LRCH1: variants seen among roughly 807,000 people sequenced by gnomAD.
LRCH1 encodes leucine rich repeats and calponin homology domain containing 1.
A neutral mutation model predicts 94.9 loss-of-function variants in LRCH1; 23 were observed. That is an observed-to-expected ratio of 0.24 (90% CI 0.17 to 0.34). The LOEUF is 0.34. LRCH1 is among the 10% of genes least tolerant of loss of function. LRCH1 has a pLI of 1.00. For missense variants in LRCH1, 790 were observed against 945.9 expected (o/e 0.84, Z 2.16); for synonymous variants, 364 against 354.9 (o/e 1.03, Z -0.29).
At chr13:46,718,496 A>G (rs1872436037) in intron 16 of LRCH1, among the ~76,000 whole-genome samples, 1 of 152,204 alleles carries the variant, frequency 6.6e-6, no homozygotes, top group African/African-American at 2.4e-5. Flanking sequence ...TATTTGGTGT[A>G]GCATTGAGTC....
chr13:46,615,593 T>TCG (rs2050798372), intron 1 of LRCH1, among the ~76,000 whole-genome samples: 1 of 152,192 alleles, frequency 6.6e-6, no homozygotes, highest in African/African-American at 2.4e-5. Context: ...AAACCCAGCT[T>TCG]CGAGCTCCCT....
intron 14 of LRCH1, 125 bp from the exon 15 acceptor site, chr13:46,712,397 TTCA>T (rs1872111012): frequency 4.3e-6 from 3 of 700,306 alleles, no homozygotes; most frequent in Non-Finnish European, 7.4e-6. Flanking sequence ...TGGCCAGGAC[TTCA>T]TCACACAGCA....
chr13:46,608,814 A>G (rs2050715661), intron 1 of LRCH1, among the ~76,000 whole-genome samples: 1 of 152,214 alleles, frequency 6.6e-6, no homozygotes, highest in Non-Finnish European at 1.5e-5. Flanking sequence ...TGTAATTGAC[A>G]ATTAACTCCA....
intron 16 of LRCH1, chr13:46,717,437 T>C (rs1387842079): frequency 6.6e-6 from 1 of 152,206 alleles, no homozygotes; most frequent in African/African-American, 2.4e-5. Flanking sequence ...GTTCAGTCGA[T>C]CATGTCAGAT....
intron 1 of LRCH1, among the ~76,000 whole-genome samples, chr13:46,588,667 C>T (rs2050462892): frequency 6.7e-6 from 1 of 148,468 alleles, no homozygotes; most frequent in Admixed American, 6.7e-5. Context: ...GTGGCGCCAT[C>T]TCCGTTCACT....
chr13:46,665,299 A>G (rs1009016106), intron 2 of LRCH1, among the ~76,000 whole-genome samples: 1 of 152,226 alleles, frequency 6.6e-6, no homozygotes, highest in Non-Finnish European at 1.5e-5. Flanking sequence ...ATGGACATCA[A>G]TAAGTGCCAT....
intron 6 of LRCH1, 69 bp from the exon 7 acceptor site, chr13:46,689,064 T>A (rs1233622876): frequency 8.3e-7 from 1 of 1,206,188 alleles, no homozygotes; most frequent in East Asian, 2.4e-5. Flanking sequence ...TAAATTGATG[T>A]TTCTTGGTGT....
At chr13:46,695,970 A>G (rs1198436437) in intron 9 of LRCH1, among the ~76,000 whole-genome samples, 1 of 152,204 alleles carries the variant, frequency 6.6e-6, no homozygotes, top group Admixed American at 6.5e-5. Context: ...GTTGTGTAGA[A>G]GGATAAAACA....
intron 1 of LRCH1, among the ~76,000 whole-genome samples, chr13:46,621,552 G>A (rs546650148): frequency 1.3e-5 from 2 of 152,160 alleles, no homozygotes; most frequent in Non-Finnish European, 2.9e-5. Flanking sequence ...AGAGATTGGG[G>A]TAAGGCATTA....
chr13:46,636,955 T>C (rs2051098751), intron 1 of LRCH1, among the ~76,000 whole-genome samples: 1 of 152,144 alleles, frequency 6.6e-6, no homozygotes, highest in Non-Finnish European at 1.5e-5. Flanking sequence ...CTCTTACAGT[T>C]CCCAACATTT....
chr13:46,746,516 C>T (rs191136279), downstream of LRCH1, among the ~76,000 whole-genome samples: 136 of 152,100 alleles, frequency 8.9e-4, no homozygotes, highest in African/African-American at 2.9e-3. Flanking sequence ...GACTCCGCTC[C>T]GTACTTTAAA....
chr13:46,655,427 T>G (rs1419215635), intron 2 of LRCH1, among the ~76,000 whole-genome samples: 2 of 152,248 alleles, frequency 1.3e-5, no homozygotes. Context: ...GTTTGAAGGA[T>G]TTGGGCTTTT....
chr13:46,633,230 C>T (rs919883775), intron 1 of LRCH1, among the ~76,000 whole-genome samples: 1 of 152,156 alleles, frequency 6.6e-6, no homozygotes, highest in African/African-American at 2.4e-5. Context: ...GGAAGTATTT[C>T]TGGAAGGAGT....
rs188756260 is a variant in LRCH1, at chr13:46,648,907, A to T, written c.308-1294A>T. On this transcript the variant is annotated intron_variant, in intron 1 of 19. Transcript: ENST00000389797. Reference sequence around the variant, plus strand: ...CTTTTACATATCCTTGAAGATGATCATATATCATTTCACTTTGGTCTATTT... The same window carrying T: ...CTTTTACATATCCTTGAAGATGATCTTATATCATTTCACTTTGGTCTATTT... 4.1e-3 allele frequency among the ~76,000 whole-genome samples: 626 copies of T among 152,298 alleles called. 2 individuals are homozygous for T. Among genetic ancestry groups the T allele is most frequent in the African/African-American group, 0.014 (591 of 41,548 alleles).
intron 7 of LRCH1, among the ~76,000 whole-genome samples, chr13:46,690,771 A>G (rs1382896041): frequency 6.6e-6 from 1 of 152,140 alleles, no homozygotes; most frequent in African/African-American, 2.4e-5. Flanking sequence ...CAAGAAATTT[A>G]TTTTTTAGAG....
At chr13:46,613,910 C>T (rs2050775474) in intron 1 of LRCH1, among the ~76,000 whole-genome samples, 1 of 152,174 alleles carries the variant, frequency 6.6e-6, no homozygotes, top group South Asian at 2.1e-4. Flanking sequence ...TTTGCCTCAT[C>T]AGCACTTCCT....
chr13:46,716,840 AAATTTTGG>A (rs1484352029), intron 16 of LRCH1, among the ~76,000 whole-genome samples: 16 of 152,200 alleles, frequency 1.1e-4, no homozygotes, highest in African/African-American at 3.9e-4. Flanking sequence ...ATCCAGTTGT[AAATTTTGG>A]AAGTTGAAGA....
At chr13:46,712,679 G>T (rs918347346) in intron 15 of LRCH1, 82 bp downstream of exon 15, 1 of 1,240,770 alleles carries the variant, frequency 8.1e-7, no homozygotes, top group Non-Finnish European at 1.2e-6. Context: ...CATTATCAAT[G>T]TGCACATCCT....
At chr13:46,602,943 G>A (rs1366767116) in intron 1 of LRCH1, among the ~76,000 whole-genome samples, 3 of 147,912 alleles carry the variant, frequency 2.0e-5, no homozygotes, top group African/African-American at 5.1e-5. Context: ...AGCAAGACCC[G>A]GTCAACAAAT....
Sources: allele counts gnomAD v4.1 joint callset (sites outside exome capture counted in the v4.1 genomes callset), GRCh38; gene constraint gnomAD v4.1.1; transcripts MANE v1.5; gene names NCBI Gene and HGNC (gene_info 2026-07-23, HGNC 2026-07-21).